Variants in PLEKHA6 observed in about 807,000 individuals in gnomAD.
PLEKHA6 encodes pleckstrin homology domain-containing family A member 6.
PLEKHA6 carries 60 observed loss-of-function variants against 116.7 expected under a neutral mutation model. The observed-to-expected ratio is 0.51, with a 90% CI of 0.42 to 0.64. PLEKHA6 has a LOEUF of 0.64. Ranked by LOEUF, PLEKHA6 falls within the 30% of genes least tolerant of loss-of-function variation. The pLI is 0.00. For missense variants in PLEKHA6, 1,338 were observed against 1,422.7 expected (o/e 0.94, Z 0.96); for synonymous variants, 489 against 556.1 (o/e 0.88, Z 1.70).
chr1:204,331,857 C>CGAA (rs1484745075), intron 1 of PLEKHA6, among the ~76,000 whole-genome samples: 1 of 150,976 alleles, frequency 6.6e-6, no homozygotes, highest in African/African-American at 2.4e-5. Context: ...CCTAGAGTCA[C>CGAA]CCAGCCGTCC....
chr1:204,264,832 C>G (rs1666576606), intron 6 of PLEKHA6, 110 bp downstream of exon 6: 1 of 829,474 alleles, frequency 1.2e-6, no homozygotes. Flanking sequence ...ATGGCCACCA[C>G]CACCTGGGAT....
chr1:204,289,004 A>G (rs540641461), intron 1 of PLEKHA6, among the ~76,000 whole-genome samples: 14 of 152,266 alleles, frequency 9.2e-5, no homozygotes, highest in African/African-American at 3.4e-4. Context: ...AAAATAGGCA[A>G]CTGATTTGGG....
intron 1 of PLEKHA6, among the ~76,000 whole-genome samples, chr1:204,335,658 G>A (rs1172581113): frequency 1.3e-5 from 2 of 152,048 alleles, no homozygotes; most frequent in Admixed American, 6.6e-5. Context: ...GACAAGCAGA[G>A]ACAAAGGTGA....
At chr1:204,363,770 C>T (rs1041171653), upstream of PLEKHA6, among the ~76,000 whole-genome samples, 1 of 152,194 alleles carries the variant, frequency 6.6e-6, no homozygotes, top group Non-Finnish European at 1.5e-5. Flanking sequence ...GAGAAGGCGC[C>T]TTCAGCCTGG....
At chr1:204,287,193 G>A (rs943283909) in intron 1 of PLEKHA6, among the ~76,000 whole-genome samples, 2 of 151,924 alleles carry the variant, frequency 1.3e-5, no homozygotes, top group African/African-American at 4.8e-5. Context: ...GGGGCGGGAG[G>A]AGAGTAAAGT....
At chr1:204,236,000 G>A (rs1661992257) in intron 17 of PLEKHA6, among the ~76,000 whole-genome samples, 1 of 152,190 alleles carries the variant, frequency 6.6e-6, no homozygotes. Flanking sequence ...GTCCCAGCAG[G>A]CCCCTAGAGG....
chr1:204,275,809 G>C (rs761648201), intron 1 of PLEKHA6: 2 of 613,212 alleles, frequency 3.3e-6, no homozygotes, highest in Non-Finnish European at 4.1e-6. Flanking sequence ...CCAGTGGAGG[G>C]ACTAGATGAG....
intron 1 of PLEKHA6, among the ~76,000 whole-genome samples, chr1:204,291,706 A>G (rs929460014): frequency 2.6e-4 from 40 of 152,252 alleles, no homozygotes; most frequent in African/African-American, 8.9e-4. Flanking sequence ...TGATTCCATT[A>G]TATAAAATTC....
chr1:204,345,675 C>A lies in PLEKHA6; in HGVS notation c.-95+14019G>T, dbSNP rs546425426. Among the ~76,000 whole-genome samples, 120 of 28,528 alleles carry A rather than the reference C, an allele frequency of 4.2e-3. 1 individual carries two copies. In the East Asian group the frequency reaches 0.15, roughly 35 times the overall value. The allele number at this position is 28,528 out of a possible 152,430, so 18.7% of individuals were successfully genotyped here. On this transcript the variant is annotated intron_variant, in intron 1 of 22. Coordinates refer to ENST00000272203, the MANE Select transcript of PLEKHA6 (RefSeq NM_014935.5). Reference sequence around the variant, plus strand: ...AGAGCTGGTGGAGGAGGCACTCAAGCATTTCCCTGAAAGAACAGCAGGGCC... The same window carrying A: ...AGAGCTGGTGGAGGAGGCACTCAAGAATTTCCCTGAAAGAACAGCAGGGCC...
In PLEKHA6 at chr1:204,219,003, C is replaced by CCT. The variant is rs1242413288; in HGVS notation, c.*3783_*3784dup. ...TCTCACCTGTTTCAGTCAGGCCATC[C>CCT]CTCCTCCTGGGGAGGGGGCTCATTG... On this transcript the variant is annotated 3_prime_UTR_variant, in exon 23 of 23. Transcript: ENST00000272203. 3.3e-5 allele frequency: 5 copies of CCT among 152,534 alleles called. No homozygotes were observed. The highest frequency in any genetic ancestry group is 6.5e-5 in the Admixed American group (1 of 15,280). 9.4% of individuals were successfully genotyped at this position (152,534 alleles called of 1,614,324 possible).
At chr1:204,325,926 G>T (rs1023777295) in intron 1 of PLEKHA6, 2 of 984,168 alleles carry the variant, frequency 2.0e-6, no homozygotes, top group Admixed American at 6.1e-5. Context: ...CCGCTGGGCT[G>T]CCATTAACAT....
rs1553253865 is a variant in PLEKHA6 at position 204,253,845 on chromosome 1, A to AAAAAAAC, written c.1525-3232_1525-3231insGTTTTTT. Among the ~76,000 whole-genome samples the AAAAAAAC allele has an allele frequency of 4.2e-3, 615 of 147,630 alleles. 4 individuals are homozygous for AAAAAAAC. Among genetic ancestry groups the AAAAAAAC allele is most frequent in the African/African-American group, 0.015 (586 of 39,972 alleles). ...TGAGATCTTGTCTCAAAAAAAAAAA[A>AAAAAAAC]AAAAACAAAAACAAAAACAAACAAA... On this transcript the variant is annotated intron_variant, in intron 9 of 22. Coordinates refer to ENST00000272203, the MANE Select transcript of PLEKHA6 (RefSeq NM_014935.5).
At chr1:204,230,688 T>C (rs1661063450) in intron 17 of PLEKHA6, 102 bp from the exon 18 acceptor site, 5 of 1,009,126 alleles carry the variant, frequency 5.0e-6, no homozygotes, top group Non-Finnish European at 7.2e-6. Flanking sequence ...AGTCTGCCTG[T>C]AGTGGACTGA....
rs780319802 is a variant in PLEKHA6, at chr1:204,259,230, C to T, written c.1007+28G>A. ...CGCTCTAGCCATAATACCATATCAG[C>T]CCCACCCCAGCCGCCGGCATGCCTC... On this transcript the variant is annotated intron_variant, in intron 8 of 22. Coordinates refer to ENST00000272203, the MANE Select transcript of PLEKHA6 (RefSeq NM_014935.5). This position sits in a 1 kb window ranked among gnomAD's most constrained non-coding sequence, Gnocchi z 4.6. The T allele has an allele frequency of 6.2e-7, 1 of 1,606,004 alleles. No homozygotes were observed. Among genetic ancestry groups the T allele is most frequent in the South Asian group, 1.1e-5 (1 of 89,944 alleles).
chr1:204,278,432 C>G (rs1024323804), intron 1 of PLEKHA6, among the ~76,000 whole-genome samples: 29 of 152,198 alleles, frequency 1.9e-4, no homozygotes, highest in African/African-American at 6.5e-4. Context: ...TTTAGCAGCA[C>G]CAGGCAGTCT....
chr1:204,337,441 G>C (rs1180605525), intron 1 of PLEKHA6, among the ~76,000 whole-genome samples: 1 of 152,234 alleles, frequency 6.6e-6, no homozygotes, highest in Admixed American at 6.5e-5. Context: ...CACCATTGCA[G>C]AATCATTCTG....
At chr1:204,256,877 C>A in intron 9 of PLEKHA6, 1 of 654,856 alleles carries the variant, frequency 1.5e-6, no homozygotes, top group Non-Finnish European at 2.8e-6. Context: ...GCCTGTCTCC[C>A]AGGTAATCAT....
intron 1 of PLEKHA6, among the ~76,000 whole-genome samples, chr1:204,306,628 A>G (rs188316072): frequency 2.0e-5 from 3 of 152,342 alleles, no homozygotes; most frequent in East Asian, 1.9e-4. Flanking sequence ...CCTTCCCAAC[A>G]GACAGCTTTA....
intron 1 of PLEKHA6, among the ~76,000 whole-genome samples, chr1:204,310,359 C>T (rs1483092949): frequency 2.0e-5 from 3 of 152,206 alleles, no homozygotes; most frequent in Non-Finnish European, 4.4e-5. Context: ...TGTTAACTCT[C>T]CTGGTTAAAC....
Sources: gnomAD v4.1 joint callset for allele counts (sites outside exome capture counted in the v4.1 genomes callset) on GRCh38, gnomAD v4.1.1 for gene constraint, Gnocchi (gnomAD v3.1) non-coding constraint, MANE v1.5 for transcripts, NCBI Gene and HGNC (gene_info 2026-07-23, HGNC 2026-07-21) for gene names.